PACS1: variants seen among roughly 807,000 people sequenced by gnomAD.
The protein encoded by PACS1 is phosphofurin acidic cluster sorting protein 1.
A neutral mutation model predicts 115.0 loss-of-function variants in PACS1; 24 were observed. That is an observed-to-expected ratio of 0.21 (90% CI 0.15 to 0.29). The LOEUF (loss-of-function observed/expected upper bound fraction) is 0.29. Among genes scored for constraint, PACS1 ranks in the 10% least tolerant of loss-of-function variants. The pLI is 1.00. For missense variants in PACS1, 838 were observed against 1,251.2 expected (o/e 0.67, Z 4.98); for synonymous variants, 453 against 504.5 (o/e 0.90, Z 1.37).
At chr11:66,203,623 C>A (rs2134689159) in intron 2 of PACS1, among the ~76,000 whole-genome samples, 1 of 152,228 alleles carries the variant, frequency 6.6e-6, no homozygotes, top group Non-Finnish European at 1.5e-5. Context: ...ACTATAGTAA[C>A]CAAAACAGCA....
intron 1 of PACS1, among the ~76,000 whole-genome samples, chr11:66,142,117 C>A (rs546789178): frequency 1.7e-3 from 254 of 151,994 alleles, no homozygotes; most frequent in African/African-American, 6.0e-3. Flanking sequence ...GCCAGAGATG[C>A]AGTTTTGATA....
At chr11:66,091,174 C>G (rs1482940031) in intron 1 of PACS1, among the ~76,000 whole-genome samples, 1 of 152,162 alleles carries the variant, frequency 6.6e-6, no homozygotes, top group Admixed American at 6.6e-5. Flanking sequence ...GACAGACTCT[C>G]ACTCCAGCCC....
chr11:66,102,543 TG>T (rs535405157), intron 1 of PACS1, among the ~76,000 whole-genome samples: 1 of 151,998 alleles, frequency 6.6e-6, no homozygotes, highest in South Asian at 2.1e-4. Context: ...CAGGCTGGTC[TG>T]GGATTCCTGA....
intron 1 of PACS1, among the ~76,000 whole-genome samples, chr11:66,095,023 A>C (rs1433909281): frequency 6.7e-6 from 1 of 149,510 alleles, no homozygotes; most frequent in East Asian, 2.0e-4. Context: ...CTCTCAATAA[A>C]TTAGGTATTG....
At chr11:66,163,849 C>T (rs542990237) in intron 1 of PACS1, among the ~76,000 whole-genome samples, 9 of 152,158 alleles carry the variant, frequency 5.9e-5, no homozygotes, top group African/African-American at 2.2e-4. Flanking sequence ...TCAAAAAACC[C>T]CAGCTGATTA....
chr11:66,166,155 G>GTT (rs71455710), intron 1 of PACS1, among the ~76,000 whole-genome samples: 2 of 147,438 alleles, frequency 1.4e-5, no homozygotes, highest in African/African-American at 5.0e-5. Context: ...TTGTTTGTTT[G>GTT]TTTTGTTTTT....
At chr11:66,116,393 C>T (rs763700711) in intron 1 of PACS1, among the ~76,000 whole-genome samples, 6 of 152,174 alleles carry the variant, frequency 3.9e-5, no homozygotes, top group Admixed American at 6.5e-5. Context: ...TTTGTAAATA[C>T]GAAGTATTAC....
At chr11:66,237,332 G>T (rs1282226733) in intron 19 of PACS1, among the ~76,000 whole-genome samples, 2 of 152,252 alleles carry the variant, frequency 1.3e-5, no homozygotes, top group African/African-American at 4.8e-5. Flanking sequence ...AAAGTGCTGG[G>T]ATTACAGGCG....
chr11:66,193,718 C>T, intron 2 of PACS1, 145 bp downstream of exon 2: 4 of 571,942 alleles, frequency 7.0e-6, no homozygotes. Context: ...GATAACAGAG[C>T]TCACAGGACC....
chr11:66,241,469 G>A lies in PACS1; in HGVS notation c.2472G>A (p.Val824=). 2 of 1,610,800 alleles carry A rather than the reference G, an allele frequency of 1.2e-6. No homozygotes were observed. Among genetic ancestry groups the A allele is most frequent in the Admixed American group, 1.7e-5 (1 of 59,456 alleles). ...ATGGGGACGTGATTGGCCTCCAGGT[G>A]GACTACTGGCTGGGCCACCCCGGGG... ...SPYGDVIGLQ[V]DYWLGHPGER... Residue 824 remains valine (V), a synonymous_variant, in exon 22 of 24, where the codon GTG becomes GTA. Coordinates refer to ENST00000320580, the MANE Select transcript of PACS1 (RefSeq NM_018026.4).
intron 11 of PACS1, among the ~76,000 whole-genome samples, chr11:66,228,260 G>A (rs1296799667): frequency 2.6e-5 from 4 of 152,044 alleles, no homozygotes; most frequent in Non-Finnish European, 5.9e-5. Flanking sequence ...CAGGACCCTT[G>A]TGGGGAAGGA....
At chr11:66,180,195 G>T (rs956004988) in intron 1 of PACS1, among the ~76,000 whole-genome samples, 3 of 151,984 alleles carry the variant, frequency 2.0e-5, no homozygotes, top group African/African-American at 7.2e-5. Context: ...ATGCTCCACT[G>T]CACTCCAGCC....
At chr11:66,238,078 T>A (rs984412262) in intron 19 of PACS1, 2 of 985,384 alleles carry the variant, frequency 2.0e-6, no homozygotes, top group East Asian at 2.3e-4. Flanking sequence ...GCTCACCTAG[T>A]CTGTGGCTGT....
intron 19 of PACS1, among the ~76,000 whole-genome samples, chr11:66,237,222 G>A (rs11227433): frequency 0.19 from 28,716 of 151,982 alleles, 2,828 homozygotes; most frequent in East Asian, 0.27. Context: ...CGGCATGCCC[G>A]GCTAATTTTT....
At chr11:66,127,222 C>T (rs1269611265) in intron 1 of PACS1, among the ~76,000 whole-genome samples, 1 of 152,172 alleles carries the variant, frequency 6.6e-6, no homozygotes, top group Admixed American at 6.5e-5. Context: ...CATGTCTCCC[C>T]GAAGGGAAGG....
Position 66,163,141 on chromosome 11 carries a change from G to A in PACS1, c.357-30345G>A, listed in dbSNP as rs146598554. Reference sequence around the variant, plus strand: ...AGGTGGTTGGATCACTTGAGGTCAGGAGTTTGAGACCAGCCTGGCCAACAT... The same window carrying A: ...AGGTGGTTGGATCACTTGAGGTCAGAAGTTTGAGACCAGCCTGGCCAACAT... On this transcript the variant is annotated intron_variant, in intron 1 of 23. Transcript: ENST00000320580. Among the ~76,000 whole-genome samples, 635 of 152,198 alleles carry A rather than the reference G, an allele frequency of 4.2e-3. 4 individuals carry two copies. The highest frequency in any genetic ancestry group is 0.014 in the African/African-American group (578 of 41,526).
At position 66,214,651 on chromosome 11, in the gene PACS1, T is replaced by C. The variant is rs1855158006; in HGVS notation, c.661-1468T>C. ...TTTTTTTTTTTCCTGAGATAGAGTC[T>C]CACTCTGTCACCCAGGCTGGAATGC... On this transcript the variant is annotated intron_variant, in intron 4 of 23. Coordinates refer to ENST00000320580, the MANE Select transcript of PACS1 (RefSeq NM_018026.4). 4.5e-5 allele frequency among the ~76,000 whole-genome samples: 6 copies of C among 134,236 alleles called. No individual in the cohort carries two copies. The South Asian group carries it at 1.5e-3, about 34-fold the overall frequency. The allele number at this position is 134,236 out of a possible 152,430, so 88.1% of individuals were successfully genotyped here.
In PACS1 at chr11:66,168,000, C is replaced by T. The variant is rs185110677; in HGVS notation, c.357-25486C>T. 8.8e-4 allele frequency among the ~76,000 whole-genome samples: 133 copies of T among 150,468 alleles called. 3 individuals carry two copies. Among genetic ancestry groups the T allele is most frequent in the Non-Finnish European group, 1.5e-3 (105 of 68,010 alleles). The stretch of plus-strand genomic sequence containing the variant: ...TCATGGCTCATTGCAACCTCAACTT[C>T]CCAGACTCAAGCAGTCTTCCCACCT... On this transcript the variant is annotated intron_variant, in intron 1 of 23. Coordinates refer to ENST00000320580, the MANE Select transcript of PACS1 (RefSeq NM_018026.4).
At chr11:66,221,602 A>T in intron 10 of PACS1, 1 of 179,614 alleles carries the variant, frequency 5.6e-6, no homozygotes, top group South Asian at 1.5e-4. Flanking sequence ...GCCAAGATTG[A>T]GCCACTGCAC....
Sources: allele counts gnomAD v4.1 joint callset (sites outside exome capture counted in the v4.1 genomes callset), GRCh38; gene constraint gnomAD v4.1.1; transcripts MANE v1.5; gene names NCBI Gene and HGNC (gene_info 2026-07-23, HGNC 2026-07-21).